Variants in ANO6 observed in about 807,000 individuals in gnomAD.
The protein encoded by ANO6 is anoctamin-6.
Under a neutral mutation model 117.5 loss-of-function variants are expected in ANO6, and 106 were observed. The ratio of observed to expected loss-of-function variants is 0.90; its 90% CI spans 0.77 to 1.06. The LOEUF (loss-of-function observed/expected upper bound fraction) is 1.06, where lower values mean the gene tolerates loss of function less well. ANO6 is among the 50% of genes least tolerant of loss of function. The pLI is 0.00. For synonymous variants in ANO6, 367 were observed against 385.1 expected, an observed-to-expected ratio of 0.95 and a Z score of 0.55; for missense variants, 955 against 1,121.1, an observed-to-expected ratio of 0.85 and a Z score of 2.12.
Position 45,430,543 on chromosome 12 carries a change from A to G in ANO6, c.*1232A>G, listed in dbSNP as rs570354025. On this transcript the variant is annotated 3_prime_UTR_variant, in exon 20 of 20. Transcript: ENST00000320560. ...TTTGATGTAACTGTCTGATTGTACT[A>G]GAGACAGGAGTATACCCAGCTTATT... is the stretch of plus-strand genomic sequence containing the variant. 71 of 985,442 alleles carry G rather than the reference A, an allele frequency of 7.2e-5. No homozygotes were observed. In the African/African-American group the frequency reaches 1.0e-3, roughly 15 times the overall value. The allele number at this position is 985,442 out of a possible 1,614,324, so 61.0% of individuals were successfully genotyped here. A position where few individuals can be genotyped will look rare whatever the true frequency, so the allele number is the denominator to read the frequency against.
At chr12:45,405,838 C>T (rs952757386) in intron 15 of ANO6, among the ~76,000 whole-genome samples, 5 of 151,790 alleles carry the variant, frequency 3.3e-5, no homozygotes, top group Non-Finnish European at 5.9e-5. Flanking sequence ...AACCTGGAGG[C>T]GGAGGTTGCA....
intron 10 of ANO6, among the ~76,000 whole-genome samples, chr12:45,383,549 A>G (rs1009062555): frequency 3.3e-5 from 5 of 150,272 alleles, no homozygotes; most frequent in African/African-American, 1.2e-4. Flanking sequence ...TTAAATAATA[A>G]AATGTAAAAG....
At chr12:45,437,516 G>T (rs1196111111) in intron 19 of ANO6, among the ~76,000 whole-genome samples, 5 of 151,786 alleles carry the variant, frequency 3.3e-5, no homozygotes, top group Non-Finnish European at 5.9e-5. Flanking sequence ...TTCTAATACA[G>T]TATTTACTAT....
At chr12:45,244,101 A>G (rs1947785985) in intron 1 of ANO6, among the ~76,000 whole-genome samples, 1 of 152,218 alleles carries the variant, frequency 6.6e-6, no homozygotes, top group Admixed American at 6.5e-5. Flanking sequence ...GTTGAACAAG[A>G]AAATATAATC....
At chr12:45,309,338 T>G (rs1488605781) in intron 2 of ANO6, among the ~76,000 whole-genome samples, 3 of 152,086 alleles carry the variant, frequency 2.0e-5, no homozygotes, top group Non-Finnish European at 4.4e-5. Context: ...ATTATAGACT[T>G]TAGGAAGCTT....
intron 3 of ANO6, among the ~76,000 whole-genome samples, chr12:45,336,872 AG>A (rs1940841119): frequency 6.6e-6 from 1 of 152,058 alleles, no homozygotes; most frequent in African/African-American, 2.4e-5. Flanking sequence ...CTGTTATCAC[AG>A]GAGATGACAG....
At chr12:45,364,179 C>A (rs1941626608) in intron 8 of ANO6, among the ~76,000 whole-genome samples, 1 of 152,174 alleles carries the variant, frequency 6.6e-6, no homozygotes, top group African/African-American at 2.4e-5. Context: ...ACTGAGGACC[C>A]TTTATATGTG....
intron 2 of ANO6, among the ~76,000 whole-genome samples, chr12:45,321,640 G>C (rs116875147): frequency 6.6e-6 from 1 of 152,130 alleles, no homozygotes; most frequent in Non-Finnish European, 1.5e-5. Flanking sequence ...TGAAATGACA[G>C]TCGCGTGTTG....
At chr12:45,271,166 A>C (rs180797935) in intron 1 of ANO6, among the ~76,000 whole-genome samples, 88 of 152,322 alleles carry the variant, frequency 5.8e-4, no homozygotes, top group African/African-American at 1.8e-3. Flanking sequence ...AAATAATGAA[A>C]ACAAGATTTC....
intron 7 of ANO6, among the ~76,000 whole-genome samples, chr12:45,356,466 G>C (rs1461011526): frequency 6.6e-6 from 1 of 152,134 alleles, no homozygotes; most frequent in Non-Finnish European, 1.5e-5. Context: ...CTGTTGACTG[G>C]AAGTCTTACC....
chr12:45,320,272 C>G (rs1042427226), intron 2 of ANO6, among the ~76,000 whole-genome samples: 15 of 152,008 alleles, frequency 9.9e-5, no homozygotes. Flanking sequence ...AATAATTTCC[C>G]TCTATGCACT....
chr12:45,341,363 A>G (rs983250287), intron 3 of ANO6, among the ~76,000 whole-genome samples: 3 of 152,234 alleles, frequency 2.0e-5, no homozygotes, highest in Admixed American at 1.3e-4. Context: ...GCAAAAAGGT[A>G]GAAACCACCT....
At chr12:45,245,070 C>T (rs1290740892) in intron 1 of ANO6, among the ~76,000 whole-genome samples, 3 of 152,092 alleles carry the variant, frequency 2.0e-5, no homozygotes, top group Admixed American at 6.5e-5. Flanking sequence ...CCTCTCCGGC[C>T]CCCAGGAAGA....
At chr12:45,388,402 T>C (rs1451299641) in intron 11 of ANO6, 99 bp downstream of exon 11, 6 of 1,460,972 alleles carry the variant, frequency 4.1e-6, no homozygotes, top group Admixed American at 3.4e-5. Context: ...TTAAAAAATA[T>C]TGATACCTGA....
intron 9 of ANO6, among the ~76,000 whole-genome samples, chr12:45,371,690 C>G (rs965776202): frequency 2.0e-4 from 30 of 152,094 alleles, no homozygotes; most frequent in Non-Finnish European, 7.3e-5. Context: ...GAAAGGACAT[C>G]CACACCAAAA....
intron 1 of ANO6, among the ~76,000 whole-genome samples, chr12:45,229,108 C>G (rs955332604): frequency 1.3e-5 from 2 of 152,048 alleles, no homozygotes; most frequent in African/African-American, 4.8e-5. Context: ...GGATGAGAAG[C>G]TGAAAACCTG....
chr12:45,262,911 C>T (rs1482311065), intron 1 of ANO6, among the ~76,000 whole-genome samples: 3 of 152,130 alleles, frequency 2.0e-5, no homozygotes, highest in African/African-American at 7.2e-5. Context: ...CAAAACATGG[C>T]TTTTGTCCTT....
intron 6 of ANO6, 45 bp downstream of exon 6, chr12:45,348,676 C>T (rs748288347): frequency 3.5e-6 from 5 of 1,410,562 alleles, no homozygotes; most frequent in Non-Finnish European, 5.0e-6. Context: ...TCTGTATACT[C>T]TGGTGTTGAC....
Position 45,270,422 on chromosome 12 carries a change from A to G in ANO6, c.71-31592A>G, listed in dbSNP as rs1008259523. On this transcript the variant is annotated intron_variant, in intron 1 of 19. Coordinates refer to ENST00000320560, the MANE Select transcript of ANO6 (RefSeq NM_001025356.3). ...TCTGCAGCCTAACACCATCCCTTATATTGGCCTGTTGTATTTATTGATGCC... is the reference window on the plus strand; with the variant it reads ...TCTGCAGCCTAACACCATCCCTTATGTTGGCCTGTTGTATTTATTGATGCC... 4 of 1,516,204 alleles carry G rather than the reference A, an allele frequency of 2.6e-6. No individual in the cohort carries two copies. The African/African-American group carries it at 5.5e-5, about 21-fold the overall frequency. The allele number at this position is 1,516,204 out of a possible 1,614,324, so 93.9% of individuals were successfully genotyped here.
Sources: gnomAD v4.1 joint callset for allele counts (sites outside exome capture counted in the v4.1 genomes callset) on GRCh38, gnomAD v4.1.1 for gene constraint, MANE v1.5 for transcripts, NCBI Gene and HGNC (gene_info 2026-07-23, HGNC 2026-07-21) for gene names.